The following CHKB variants were observed in gnomAD, a reference collection of about 807,000 sequenced individuals.
CHKB encodes choline kinase beta, also known as choline/ethanolamine kinase.
Under a neutral mutation model 57.3 loss-of-function variants are expected in CHKB, and 45 were observed. That is an observed-to-expected ratio of 0.79 (90% CI 0.62 to 1.01). The LOEUF (loss-of-function observed/expected upper bound fraction) is 1.01. CHKB is among the 50% of genes least tolerant of loss of function. CHKB has a pLI of 0.00. For missense variants in CHKB, 517 were observed against 502.8 expected, an observed-to-expected ratio of 1.03 and a Z score of -0.27; for synonymous variants, 224 against 201.8, an observed-to-expected ratio of 1.11 and a Z score of -0.93.
At chr22:50,582,115 C>T in intron 2 of CHKB, 134 bp downstream of exon 2, 1 of 889,886 alleles carries the variant, frequency 1.1e-6, no homozygotes. Flanking sequence ...CAGGCCCAGG[C>T]TTCGGTGTAA....
intron 2 of CHKB, 40 bp from the exon 3 acceptor site, chr22:50,581,902 G>T: frequency 1.9e-6 from 3 of 1,564,650 alleles, no homozygotes; most frequent in South Asian, 1.1e-5. Context: ...AGGCAAAGTG[G>T]CACAGGGACA....
At chr22:50,582,462 C>T (rs1185345511) in intron 1 of CHKB, 96 bp downstream of exon 1, 2 of 1,477,328 alleles carry the variant, frequency 1.4e-6, no homozygotes, top group Non-Finnish European at 1.8e-6. Flanking sequence ...GGCGCGGGCG[C>T]AAGAGGGGGG....
At position 50,579,850 on chromosome 22, in the gene CHKB, G is replaced by A. The variant is rs1441598274; in HGVS notation, c.928-20C>T. 4 of 1,609,120 alleles carry A rather than the reference G, an allele frequency of 2.5e-6. No homozygotes were observed. The highest frequency in any genetic ancestry group is 3.4e-6 in the Non-Finnish European group (4 of 1,175,992). On this transcript the variant is annotated intron_variant, in intron 8 of 10. Transcript: ENST00000406938. The stretch of plus-strand genomic sequence containing the variant: ...ATGCAACTACGATCAATGGCCAAGA[G>A]TCAGGAATTGGGGAGACTGTGGAGT...
At position 50,580,555 on chromosome 22, in the gene CHKB, C is replaced by A; in HGVS notation, c.677+10G>T. 6.2e-7 allele frequency: 1 copy of A among 1,614,034 alleles called. No homozygotes were observed. Among genetic ancestry groups the A allele is most frequent in the Middle Eastern group, 1.7e-4 (1 of 6,028 alleles). ...ACCATTACCATTAGCCTTGTCCTGC[C>A]TGCCCTCACCTGAGGTTGCCCATCT... On this transcript the variant is annotated intron_variant, in intron 5 of 10. Coordinates refer to ENST00000406938, the MANE Select transcript of CHKB (RefSeq NM_005198.5).
At chr22:50,580,725 C>G in intron 4 of CHKB, 65 bp from the exon 5 acceptor site, 1 of 1,432,494 alleles carries the variant, frequency 7.0e-7, no homozygotes. Flanking sequence ...CTATCTACCC[C>G]TCAGGCCAGA....
Position 50,582,280 on chromosome 22 carries a change from A to G in CHKB, c.302T>C (p.Val101Ala), listed in dbSNP as rs1358664458. The stretch of plus-strand genomic sequence containing the variant: ...GATGGCTCCGTACAGCCGCAGAAGC[A>G]CCTCCCGGGGCTCCTCGCCAACGCT... ...LPSVGEEPRE[V>A]LLRLYGAILQ... Residue 101 changes from valine to alanine, a missense_variant, in exon 2 of 11, where the codon GTG (valine) becomes GCG (alanine). Transcript: ENST00000406938. 2 of 1,593,312 alleles carry G rather than the reference A, an allele frequency of 1.3e-6. No homozygotes were observed. The highest frequency in any genetic ancestry group is 3.5e-5 in the Admixed American group (2 of 57,474).
intron 2 of CHKB, 187 bp downstream of exon 2, chr22:50,582,062 T>C: frequency 1.3e-6 from 1 of 771,894 alleles, no homozygotes; most frequent in Non-Finnish European, 2.3e-6. Flanking sequence ...ACTCCTGTGC[T>C]CAAGTGATCC....
At chr22:50,581,961 A>G in intron 2 of CHKB, 99 bp from the exon 3 acceptor site, 1 of 1,065,942 alleles carries the variant, frequency 9.4e-7, no homozygotes, top group Admixed American at 1.8e-5. Flanking sequence ...TTCTGATCCA[A>G]TTGCCTGGAG....
chr22:50,580,979 C>T (rs2070679740), intron 4 of CHKB, among the ~76,000 whole-genome samples: 1 of 152,176 alleles, frequency 6.6e-6, no homozygotes, highest in African/African-American at 2.4e-5. Context: ...CAGGGTTTCA[C>T]TGTGTTGTCC....
In CHKB at chr22:50,579,275, C is replaced by G. The variant is rs778061654; in HGVS notation, c.1114-20G>C. 6.2e-7 allele frequency: 1 copy of G among 1,612,368 alleles called. No individual in the cohort carries two copies. Among genetic ancestry groups the G allele is most frequent in the Non-Finnish European group, 8.5e-7 (1 of 1,179,068 alleles). The stretch of plus-strand genomic sequence containing the variant: ...ATAGTCCTAGGGAAGGAAACCCACC[C>G]CACACAGTGGTGAGAAGACGTGGGA... On this transcript the variant is annotated intron_variant, in intron 10 of 10. Coordinates refer to ENST00000406938, the MANE Select transcript of CHKB (RefSeq NM_005198.5).
chr22:50,580,739 C>T, intron 4 of CHKB, 79 bp from the exon 5 acceptor site: 1 of 1,179,662 alleles, frequency 8.5e-7, no homozygotes, highest in Non-Finnish European at 1.3e-6. Context: ...GGCCAGACTA[C>T]TGCACCCCTG....
At position 50,580,014 on chromosome 22, in the gene CHKB, T is replaced by C; in HGVS notation, c.887A>G (p.Tyr296Cys). The C allele has an allele frequency of 1.2e-6, 2 of 1,614,084 alleles. No individual in the cohort carries two copies. Among genetic ancestry groups the C allele is most frequent in the Non-Finnish European group, 1.7e-6 (2 of 1,180,010 alleles). The change falls in exon 8 of 11, where the codon TAC becomes TGC. Residue 296 changes from tyrosine to cysteine, a missense_variant. By Grantham distance (194) the Tyr-to-Cys change is radical. Transcript: ENST00000406938. ...GGGGTAGTCTGTGGGCCTTGCTTTGTAGAAAGGCCATTCCTCGTGAGTATA... is the reference window on the plus strand; with the variant it reads ...GGGGTAGTCTGTGGGCCTTGCTTTGCAGAAAGGCCATTCCTCGTGAGTATA... ...YDYTHEEWPF[Y>C]KARPTDYPTQ... is the part of the protein sequence containing the mutation.
chr22:50,580,344 A>G lies in CHKB; in HGVS notation c.736+14T>C, dbSNP rs768336190. The G allele has an allele frequency of 1.9e-6, 3 of 1,613,952 alleles. No homozygotes were observed. The highest frequency in any genetic ancestry group is 2.5e-6 in the Non-Finnish European group (3 of 1,179,956). On this transcript the variant is annotated intron_variant, in intron 6 of 10. Coordinates refer to ENST00000406938, the MANE Select transcript of CHKB (RefSeq NM_005198.5). ...TTCCATCTTGGGTTAGGAGACTCAG[A>G]TGCCTTCTCCTACCTTCCTGGATGT...
In CHKB at chr22:50,579,708, C is replaced by A. The variant is rs769148391; in HGVS notation, c.1031+19G>T. 6.2e-7 allele frequency: 1 copy of A among 1,604,066 alleles called. No individual in the cohort carries two copies. Among genetic ancestry groups the A allele is most frequent in the Non-Finnish European group, 8.5e-7 (1 of 1,171,002 alleles). On this transcript the variant is annotated intron_variant, in intron 9 of 10. Transcript: ENST00000406938. ...TTTCCTCTGCTCTGCCCTACCCCAC[C>A]CTGCCCCTCCTTCCTCACCGACTGA... is the stretch of plus-strand genomic sequence containing the variant.
Position 50,579,527 on chromosome 22 carries a change from A to G in CHKB, c.1032-20T>C, listed in dbSNP as rs1372845813. The G allele has an allele frequency of 6.2e-7, 1 of 1,612,196 alleles. No individual in the cohort carries two copies. Among genetic ancestry groups the G allele is most frequent in the Non-Finnish European group, 8.5e-7 (1 of 1,179,296 alleles). On this transcript the variant is annotated intron_variant, in intron 9 of 10. Transcript: ENST00000406938. ...GCATACCTGGGGGGAGGGCAGGAAA[A>G]GGAGGGGCATTCAAGAGCATGTCTA...
intron 4 of CHKB, 115 bp downstream of exon 4, chr22:50,581,305 C>T: frequency 2.2e-6 from 3 of 1,362,026 alleles, no homozygotes; most frequent in Admixed American, 3.9e-5. Flanking sequence ...TGTTCTGTGA[C>T]AGCCCATGAC....
chr22:50,579,799 G>T lies in CHKB; in HGVS notation c.959C>A (p.Ala320Glu). ...TTGGGAGAGGGTCTCACCTTTCTTT[G>T]CCTCTGCCAGGTAATGACGAATAAA... ...LHFIRHYLAEAKKGETLSQEE... is the reference protein window; with the variant it reads ...LHFIRHYLAEEKKGETLSQEE... The change falls in exon 9 of 11, where the codon GCA (alanine) becomes GAA (glutamate). Residue 320 changes from alanine to glutamate, a missense_variant. Transcript: ENST00000406938. 6.2e-7 allele frequency: 1 copy of T among 1,613,590 alleles called. No homozygotes were observed.
chr22:50,581,339 C>A, intron 4 of CHKB, 81 bp downstream of exon 4: 1 of 1,569,492 alleles, frequency 6.4e-7, no homozygotes. Flanking sequence ...AAGTGGAGGG[C>A]TGGATAGAGC....
chr22:50,582,289 G>C lies in CHKB; in HGVS notation c.293C>G (p.Pro98Arg). Residue 98 changes from proline (P) to arginine (R), a missense_variant, in exon 2 of 11, where the codon CCC (proline) becomes CGC (arginine). Pro to Arg is a moderately radical substitution (Grantham distance 103). Transcript: ENST00000406938. ...GTACAGCCGCAGAAGCACCTCCCGG[G>C]GCTCCTCGCCAACGCTGGGCAGGTG... is the stretch of plus-strand genomic sequence containing the variant. ...PDHLPSVGEE[P>R]REVLLRLYGA... The C allele has an allele frequency of 6.3e-7, 1 of 1,594,752 alleles. No individual in the cohort carries two copies. Among genetic ancestry groups the C allele is most frequent in the Non-Finnish European group, 8.5e-7 (1 of 1,172,976 alleles).
Sources: allele counts gnomAD v4.1 joint callset (sites outside exome capture counted in the v4.1 genomes callset), GRCh38; gene constraint gnomAD v4.1.1; transcripts MANE v1.5; gene names NCBI Gene and HGNC (gene_info 2026-07-23, HGNC 2026-07-21).